Variants in FRMD5 observed in about 807,000 individuals in gnomAD.
The protein encoded by FRMD5 is FERM domain containing 5.
Under a neutral mutation model 69.0 loss-of-function variants are expected in FRMD5, and 20 were observed. The ratio of observed to expected loss-of-function variants is 0.29; its 90% CI spans 0.20 to 0.42. The LOEUF is 0.42. Ranked by LOEUF, FRMD5 falls within the 10% of genes least tolerant of loss-of-function variation. FRMD5 has a pLI of 1.00. For missense variants in FRMD5, 595 were observed against 708.6 expected, an observed-to-expected ratio of 0.84 and a Z score of 1.82; for synonymous variants, 271 against 260.1, an observed-to-expected ratio of 1.04 and a Z score of -0.40.
intron 1 of FRMD5, among the ~76,000 whole-genome samples, chr15:44,162,590 G>A (rs942660766): frequency 5.3e-5 from 8 of 152,040 alleles, no homozygotes; most frequent in African/African-American, 1.9e-4. Flanking sequence ...CATGTCGGCC[G>A]GGCGCGGTGA....
At chr15:44,017,352 A>G (rs2140240205) in intron 1 of FRMD5, among the ~76,000 whole-genome samples, 1 of 151,864 alleles carries the variant, frequency 6.6e-6, no homozygotes, top group African/African-American at 2.4e-5. Flanking sequence ...AAAAAAAAAC[A>G]AAAACCATGT....
At chr15:44,090,025 G>A (rs1260203687) in intron 1 of FRMD5, among the ~76,000 whole-genome samples, 1 of 152,098 alleles carries the variant, frequency 6.6e-6, no homozygotes, top group Non-Finnish European at 1.5e-5. Context: ...ACACACACGT[G>A]CATGCATGCT....
chr15:44,155,808 T>C (rs2077518275), intron 1 of FRMD5, among the ~76,000 whole-genome samples: 1 of 152,018 alleles, frequency 6.6e-6, no homozygotes, highest in Admixed American at 6.6e-5. Flanking sequence ...TTGGCCAGGC[T>C]GGTCTTGAAC....
intron 1 of FRMD5, among the ~76,000 whole-genome samples, chr15:44,161,718 T>C (rs2077618632): frequency 6.6e-6 from 1 of 152,160 alleles, no homozygotes; most frequent in African/African-American, 2.4e-5. Flanking sequence ...GCTGACCTCA[T>C]CTACCTCTGT....
At chr15:43,894,646 G>A (rs472385) in intron 7 of FRMD5, among the ~76,000 whole-genome samples, 56,040 of 151,534 alleles carry the variant, frequency 0.37, 13,610 homozygotes, top group African/African-American at 0.69. Flanking sequence ...AATAACGGAA[G>A]GAAGTAGGGA....
intron 1 of FRMD5, among the ~76,000 whole-genome samples, chr15:44,024,322 T>A (rs1337944521): frequency 2.6e-5 from 4 of 152,156 alleles, no homozygotes; most frequent in Non-Finnish European, 5.9e-5. Context: ...TTCTTTAAGA[T>A]ATATATTAAG....
At chr15:44,176,872 C>T (rs1323419057) in intron 1 of FRMD5, among the ~76,000 whole-genome samples, 3 of 150,522 alleles carry the variant, frequency 2.0e-5, no homozygotes, top group African/African-American at 7.3e-5. Context: ...AAAAAAGGCA[C>T]ATGTATACAT....
chr15:44,047,528 T>C (rs1450752221), intron 1 of FRMD5, among the ~76,000 whole-genome samples: 1 of 152,198 alleles, frequency 6.6e-6, no homozygotes, highest in East Asian at 1.9e-4. Context: ...AATTTTATAA[T>C]ACAAACATCT....
chr15:44,021,626 G>A (rs984851587), intron 1 of FRMD5, among the ~76,000 whole-genome samples: 10 of 152,138 alleles, frequency 6.6e-5, no homozygotes, highest in African/African-American at 2.2e-4. Context: ...CATCTACTAG[G>A]ATGGCTATTA....
rs914475393 is a variant in FRMD5, at chr15:43,950,182, A to G, written c.103-25873T>C. 2.0e-5 allele frequency among the ~76,000 whole-genome samples: 3 copies of G among 152,186 alleles called. No individual in the cohort carries two copies. The South Asian group carries it at 6.2e-4, about 32-fold the overall frequency. Reference sequence around the variant, plus strand: ...TGGTGGAATGGTGCAGCCTCTGAAGAAACCCATTCAGATCTCTGCCCTAGA... The same window carrying G: ...TGGTGGAATGGTGCAGCCTCTGAAGGAACCCATTCAGATCTCTGCCCTAGA... On this transcript the variant is annotated intron_variant, in intron 1 of 13. Transcript: ENST00000417257.
intron 1 of FRMD5, among the ~76,000 whole-genome samples, chr15:43,987,718 T>C (rs1033928279): frequency 5.3e-5 from 8 of 151,920 alleles, no homozygotes; most frequent in African/African-American, 1.9e-4. Context: ...CCTGGCTAAT[T>C]TTTGTATTTT....
chr15:43,896,537 C>A (rs995623063), intron 7 of FRMD5, among the ~76,000 whole-genome samples: 3 of 152,226 alleles, frequency 2.0e-5, no homozygotes, highest in Admixed American at 6.5e-5. Context: ...TCAGTCAACA[C>A]CAGCAAAGTT....
intron 1 of FRMD5, among the ~76,000 whole-genome samples, chr15:44,172,272 CTTT>C (rs769999651): frequency 2.9e-5 from 4 of 137,456 alleles, no homozygotes; most frequent in Admixed American, 7.4e-5. Flanking sequence ...TTCTCTTTTT[CTTT>C]TTTTTTTTTT....
intron 1 of FRMD5, among the ~76,000 whole-genome samples, chr15:44,004,298 G>C (rs1190561095): frequency 6.6e-6 from 1 of 152,166 alleles, no homozygotes; most frequent in Non-Finnish European, 1.5e-5. Context: ...GTACATATCA[G>C]TACAAGCATA....
At chr15:43,936,991 T>C (rs59569210) in intron 1 of FRMD5, among the ~76,000 whole-genome samples, 6,730 of 152,254 alleles carry the variant, frequency 0.044, 453 homozygotes, top group African/African-American at 0.14. Context: ...CTTAATTATA[T>C]TGATGTGAAC....
intron 7 of FRMD5, among the ~76,000 whole-genome samples, chr15:43,896,138 C>T (rs1245796332): frequency 1.3e-5 from 2 of 152,212 alleles, no homozygotes; most frequent in African/African-American, 4.8e-5. Flanking sequence ...AACTAGGGTC[C>T]TGATAGCTAT....
At chr15:43,901,709 G>A (rs1458434222) in intron 7 of FRMD5, among the ~76,000 whole-genome samples, 4 of 152,164 alleles carry the variant, frequency 2.6e-5, no homozygotes, top group African/African-American at 9.7e-5. Context: ...GCTGGTTCTC[G>A]TCTATCCCTC....
chr15:43,987,049 T>C (rs963730622), intron 1 of FRMD5, among the ~76,000 whole-genome samples: 1 of 152,150 alleles, frequency 6.6e-6, no homozygotes, highest in African/African-American at 2.4e-5. Flanking sequence ...AACCAATAAA[T>C]GTGTGTGTCC....
Position 43,945,756 on chromosome 15 carries a change from C to T in FRMD5, c.103-21447G>A, listed in dbSNP as rs541157777. On this transcript the variant is annotated intron_variant, in intron 1 of 13. Transcript: ENST00000417257. ...AGAAAGCAAAACTCTGCCCCCTGCC[C>T]CCCAGATCTTTTAAAAATGTCTTCC... Among the ~76,000 whole-genome samples, 6 of 152,260 alleles carry T rather than the reference C, an allele frequency of 3.9e-5. No homozygotes were observed. In the South Asian group the frequency reaches 1.2e-3, roughly 32 times the overall value.
Sources: gnomAD v4.1 joint callset for allele counts (sites outside exome capture counted in the v4.1 genomes callset) on GRCh38, gnomAD v4.1.1 for gene constraint, MANE v1.5 for transcripts, NCBI Gene and HGNC (gene_info 2026-07-23, HGNC 2026-07-21) for gene names.